The following HECTD4 variants were observed in gnomAD, a reference collection of about 807,000 sequenced individuals.
HECTD4 encodes the protein probable E3 ubiquitin-protein ligase HECTD4.
Under a neutral mutation model 471.5 loss-of-function variants are expected in HECTD4, and 114 were observed. The observed-to-expected ratio is 0.24, with a 90% CI of 0.21 to 0.28. The LOEUF is 0.28. Ranked by LOEUF, HECTD4 falls within the 10% of genes least tolerant of loss-of-function variation. HECTD4 has a pLI of 1.00. For synonymous variants in HECTD4, 2,012 were observed against 2,256.0 expected, an observed-to-expected ratio of 0.89 and a Z score of 3.07; for missense variants, 3,866 against 5,651.5, an observed-to-expected ratio of 0.68 and a Z score of 10.13.
chr12:112,217,332 CACAT>C (rs1235304860), intron 45 of HECTD4, 137 bp from the exon 46 acceptor site: 27 of 477,312 alleles, frequency 5.7e-5, no homozygotes, highest in African/African-American at 1.8e-4. Flanking sequence ...CACACACACA[CACAT>C]ACACACACAC....
intron 7 of HECTD4, among the ~76,000 whole-genome samples, chr12:112,287,880 G>A (rs2034789904): frequency 6.6e-6 from 1 of 152,214 alleles, no homozygotes; most frequent in South Asian, 2.1e-4. Context: ...CCAGAATTGT[G>A]TTCTAGAGTT....
chr12:112,177,655 T>C (rs1593898384), intron 64 of HECTD4, among the ~76,000 whole-genome samples: 1 of 152,158 alleles, frequency 6.6e-6, no homozygotes, highest in South Asian at 2.1e-4. Flanking sequence ...GCTGGGATTA[T>C]AGGCGTGAGC....
At chr12:112,192,812 A>G in intron 58 of HECTD4, 47 bp from the exon 59 acceptor site, 1 of 1,459,434 alleles carries the variant, frequency 6.9e-7, no homozygotes, top group Admixed American at 2.1e-5. Flanking sequence ...CTAGCCATGC[A>G]CATGGGGACA....
At chr12:112,286,920 T>C (rs1333945839) in intron 7 of HECTD4, among the ~76,000 whole-genome samples, 11 of 152,328 alleles carry the variant, frequency 7.2e-5, no homozygotes. Context: ...TTCCTCCTAA[T>C]GCTGGGCCTT....
chr12:112,359,014 A>C (rs1189497601), intron 1 of HECTD4, among the ~76,000 whole-genome samples: 1 of 152,140 alleles, frequency 6.6e-6, no homozygotes, highest in Non-Finnish European at 1.5e-5. Flanking sequence ...TCTCTACTAA[A>C]AATACAAAAA....
At chr12:112,354,177 A>G (rs2036293147) in intron 1 of HECTD4, among the ~76,000 whole-genome samples, 1 of 152,162 alleles carries the variant, frequency 6.6e-6, no homozygotes, top group East Asian at 1.9e-4. Context: ...GGCTCAAGCA[A>G]TCCTCCCACC....
At chr12:112,356,174 T>G (rs960033115) in intron 1 of HECTD4, among the ~76,000 whole-genome samples, 2 of 152,158 alleles carry the variant, frequency 1.3e-5, no homozygotes, top group Admixed American at 1.3e-4. Flanking sequence ...TACTGTGTCA[T>G]AGATAAGCTC....
chr12:112,256,280 T>C (rs563419707), intron 21 of HECTD4, 40 bp downstream of exon 21: 1 of 1,377,108 alleles, frequency 7.3e-7, no homozygotes, highest in South Asian at 1.7e-5. Flanking sequence ...AGAATCAGCT[T>C]ACTCGAGGTG....
chr12:112,197,098 G>A (rs1399690292), intron 55 of HECTD4, among the ~76,000 whole-genome samples: 1 of 152,052 alleles, frequency 6.6e-6, no homozygotes, highest in Non-Finnish European at 1.5e-5. Flanking sequence ...GCCCAGCCAA[G>A]ACAGGGTCTC....
rs1422223512 is a variant in HECTD4, at chr12:112,173,587, G to C, written c.11595-726C>G. On this transcript the variant is annotated intron_variant, in intron 66 of 75. Coordinates refer to ENST00000682272, the MANE Select transcript of HECTD4 (RefSeq NM_001388303.1). This position sits in a 1 kb window ranked among gnomAD's most constrained non-coding sequence, Gnocchi z 4.3. ...TTTTTTGTATTTTTAGTAGAGACGA[G>C]GTTTCACCGTGTTAGCCAGGATGGT... Among the ~76,000 whole-genome samples the C allele has an allele frequency of 4.0e-5, 6 of 151,806 alleles. No homozygotes were observed. The East Asian group carries it at 5.8e-4, about 15-fold the overall frequency.
intron 38 of HECTD4, among the ~76,000 whole-genome samples, chr12:112,232,209 CA>C (rs1429454744): frequency 2.0e-5 from 3 of 152,212 alleles, no homozygotes; most frequent in Admixed American, 6.5e-5. Flanking sequence ...CGGCTCACTG[CA>C]ACCTCCACCT....
In HECTD4 at chr12:112,231,503, G is replaced by A; in HGVS notation, c.6200+10C>T. On this transcript the variant is annotated intron_variant, in intron 39 of 75. Coordinates refer to ENST00000682272, the MANE Select transcript of HECTD4 (RefSeq NM_001388303.1). ...TGAGTGTGGACAGCTCCTACCTGTG[G>A]AAGGTTTACCTTGCAAGCTCCGAGT... 3 of 1,613,296 alleles carry A rather than the reference G, an allele frequency of 1.9e-6. No homozygotes were observed. The highest frequency in any genetic ancestry group is 2.5e-6 in the Non-Finnish European group (3 of 1,179,222).
Position 112,203,745 on chromosome 12 carries a change from T to C in HECTD4, c.8297A>G (p.Asp2766Gly), listed in dbSNP as rs1320564865. ...AGCACTGCTGGCTACATTATTGCTG[T>C]CTGGAGAGCGGGTTACTACTGTGAG... Reference protein sequence around the residue: ...KGLTVVTRSPDSNNVASSAVG... With the variant: ...KGLTVVTRSPGSNNVASSAVG... Residue 2766 changes from aspartate to glycine, a missense_variant, in exon 54 of 76, where the codon GAC becomes GGC. This residue lies in a region of HECTD4 where 266 missense variants were observed against 441.6 expected (regional missense o/e 0.60). Transcript: ENST00000682272. 1.2e-6 allele frequency: 2 copies of C among 1,612,172 alleles called. No individual in the cohort carries two copies. The highest frequency in any genetic ancestry group is 2.2e-5 in the East Asian group (1 of 44,820).
intron 2 of HECTD4, among the ~76,000 whole-genome samples, chr12:112,317,407 G>C (rs1030864761): frequency 3.9e-5 from 6 of 152,130 alleles, no homozygotes; most frequent in Admixed American, 1.3e-4. Context: ...AAACTATACA[G>C]AGAAAAACAG....
chr12:112,320,219 C>T (rs904436126), intron 1 of HECTD4, among the ~76,000 whole-genome samples: 9 of 151,782 alleles, frequency 5.9e-5, no homozygotes, highest in African/African-American at 1.7e-4. Context: ...CCTGTCGTTG[C>T]GGCTACTTGG....
At chr12:112,230,074 A>G (rs1475268896) in intron 40 of HECTD4, among the ~76,000 whole-genome samples, 194 bp from the exon 41 acceptor site, 1 of 152,200 alleles carries the variant, frequency 6.6e-6, no homozygotes, top group Non-Finnish European at 1.5e-5. Context: ...CAAAATTGGA[A>G]ATACACAACT....
Position 112,259,117 on chromosome 12 carries a change from T to C in HECTD4, c.3022A>G (p.Ser1008Gly). 1.2e-6 allele frequency: 2 copies of C among 1,609,908 alleles called. No individual in the cohort carries two copies. Among genetic ancestry groups the C allele is most frequent in the Non-Finnish European group, 1.7e-6 (2 of 1,178,918 alleles). The change falls in exon 19 of 76, where the codon AGC (serine) becomes GGC (glycine). Residue 1008 changes from serine to glycine, a missense_variant. By Grantham distance (56) the Ser-to-Gly change is moderately conservative. Transcript: ENST00000682272. ...PQLVQLVLYT[S>G]QTALLLKTQC... The stretch of plus-strand genomic sequence containing the variant: ...TGGCACACCAAGGATCATACCTGGC[T>C]GGTATAGAGTACCAGCTGCACTAGC...
intron 5 of HECTD4, 141 bp from the exon 6 acceptor site, chr12:112,309,032 T>C (rs2035324483): frequency 6.8e-6 from 6 of 882,974 alleles, no homozygotes; most frequent in Non-Finnish European, 1.0e-5. Flanking sequence ...AAAGTGAATG[T>C]ATTACATTAA....
chr12:112,317,870 C>T (rs2035511113), intron 2 of HECTD4, among the ~76,000 whole-genome samples: 1 of 145,922 alleles, frequency 6.9e-6, no homozygotes, highest in African/African-American at 2.5e-5. Flanking sequence ...GTCCCAGCTA[C>T]TCGGGAGGCT....
Sources: allele counts gnomAD v4.1 joint callset (sites outside exome capture counted in the v4.1 genomes callset), GRCh38; gene constraint gnomAD v4.1.1; regional missense constraint gnomAD v4.1.1; non-coding constraint Gnocchi (gnomAD v3.1); transcripts MANE v1.5; gene names NCBI Gene and HGNC (gene_info 2026-07-23, HGNC 2026-07-21).